Variants in PTPRG observed in about 807,000 individuals in gnomAD.
PTPRG encodes the protein receptor-type tyrosine-protein phosphatase gamma.
In PTPRG, 102 loss-of-function variants were observed where a neutral mutation model predicts 165.3. The ratio of observed to expected loss-of-function variants is 0.62; its 90% CI spans 0.53 to 0.73. PTPRG has a LOEUF of 0.73. PTPRG is among the 30% of genes least tolerant of loss of function. The pLI, the probability that PTPRG is intolerant of heterozygous loss-of-function variation, is 0.00. For synonymous variants in PTPRG, 675 were observed against 669.5 expected (o/e 1.01, Z -0.13); for missense variants, 1,866 against 1,861.4 (o/e 1.00, Z -0.05).
At chr3:61,836,127 C>G (rs2036454460) in intron 2 of PTPRG, among the ~76,000 whole-genome samples, 1 of 140,402 alleles carries the variant, frequency 7.1e-6, no homozygotes, top group African/African-American at 2.7e-5. Context: ...ATTAATGGCT[C>G]TTTGGATATT....
intron 4 of PTPRG, among the ~76,000 whole-genome samples, chr3:62,044,887 A>G (rs964095052): frequency 3.9e-5 from 6 of 152,104 alleles, no homozygotes; most frequent in South Asian, 2.1e-4. Flanking sequence ...TTTATTATGT[A>G]TGTCCTGGAA....
At chr3:62,099,133 A>G (rs963714162) in intron 5 of PTPRG, among the ~76,000 whole-genome samples, 2 of 152,188 alleles carry the variant, frequency 1.3e-5, no homozygotes, top group African/African-American at 4.8e-5. Flanking sequence ...TGGCACTAAA[A>G]GTGGGGCTCT....
chr3:61,964,458 G>A (rs1474818220), intron 2 of PTPRG, among the ~76,000 whole-genome samples: 1 of 152,044 alleles, frequency 6.6e-6, no homozygotes. Context: ...TTTATTATGG[G>A]GTTATGAGTT....
At chr3:62,135,060 C>G (rs1703656316) in intron 6 of PTPRG, among the ~76,000 whole-genome samples, 1 of 151,864 alleles carries the variant, frequency 6.6e-6, no homozygotes, top group Non-Finnish European at 1.5e-5. Flanking sequence ...ATCACTTGAG[C>G]CCAGGAGTTT....
chr3:61,824,804 A>T, intron 2 of PTPRG, among the ~76,000 whole-genome samples: 1 of 152,228 alleles, frequency 6.6e-6, no homozygotes, highest in East Asian at 1.9e-4. Context: ...ACAAACTGTG[A>T]TTTCTCCACA....
intron 2 of PTPRG, chr3:61,770,168 G>A (rs560183855): frequency 6.6e-6 from 1 of 152,292 alleles, no homozygotes; most frequent in South Asian, 2.1e-4. Context: ...GAAAGCCTGG[G>A]TGGTGTTGAT....
intron 2 of PTPRG, among the ~76,000 whole-genome samples, chr3:61,757,712 T>A (rs2033677477): frequency 6.6e-6 from 1 of 152,250 alleles, no homozygotes; most frequent in Non-Finnish European, 1.5e-5. Flanking sequence ...ATAAATTTAT[T>A]GTGTCAACAC....
chr3:61,829,442 A>G (rs894566763), intron 2 of PTPRG, among the ~76,000 whole-genome samples: 1 of 152,220 alleles, frequency 6.6e-6, no homozygotes, highest in Non-Finnish European at 1.5e-5. Context: ...GCCATTTATC[A>G]TGCCTCACTT....
chr3:61,648,095 C>G (rs1475203080), intron 1 of PTPRG, among the ~76,000 whole-genome samples: 3 of 152,158 alleles, frequency 2.0e-5, no homozygotes, highest in Non-Finnish European at 4.4e-5. Context: ...TTTGATTAAA[C>G]CAGTCCTATG....
At position 62,011,979 on chromosome 3, in the gene PTPRG, G is replaced by C. The variant is rs554664951; in HGVS notation, c.519+8482G>C. On this transcript the variant is annotated intron_variant, in intron 4 of 29. Transcript: ENST00000474889. ...GAAAAGAAAACCTGGTTAAGTTGGA[G>C]ATACTCTCAGTGTAGAAACTTGGTG... 6.6e-5 allele frequency among the ~76,000 whole-genome samples: 10 copies of C among 152,332 alleles called. No homozygotes were observed. In the East Asian group the frequency reaches 1.9e-3, roughly 29 times the overall value.
chr3:62,033,177 C>A (rs1699824953), intron 4 of PTPRG, among the ~76,000 whole-genome samples: 1 of 152,036 alleles, frequency 6.6e-6, no homozygotes, highest in East Asian at 1.9e-4. Flanking sequence ...TTTAAAAGGC[C>A]TTGCCTCTTC....
chr3:62,271,692 G>C lies in PTPRG; in HGVS notation c.3182+137G>C, dbSNP rs1702072681. 2.8e-6 allele frequency: 2 copies of C among 704,032 alleles called. No individual in the cohort carries two copies. The highest frequency in any genetic ancestry group is 4.4e-6 in the Non-Finnish European group (2 of 452,982). The allele number at this position is 704,032 out of a possible 1,614,324, so 43.6% of individuals were successfully genotyped here. On this transcript the variant is annotated intron_variant, in intron 21 of 29. Coordinates refer to ENST00000474889, the MANE Select transcript of PTPRG (RefSeq NM_002841.4). The surrounding 1 kb of genome is among the most constrained non-coding windows in gnomAD (Gnocchi z 4.1). ...GGAAACTGGGATGGATAAGACCTAT[G>C]ATAGTCTTAAAGAGGCTCTATTCCT...
intron 8 of PTPRG, among the ~76,000 whole-genome samples, chr3:62,188,420 C>T (rs1307123230): frequency 6.6e-6 from 1 of 152,108 alleles, no homozygotes; most frequent in Admixed American, 6.5e-5. Flanking sequence ...ACATCCTATT[C>T]TATTTCTATC....
chr3:61,932,076 ATC>A (rs1255721824), intron 2 of PTPRG, among the ~76,000 whole-genome samples: 1 of 152,130 alleles, frequency 6.6e-6, no homozygotes, highest in African/African-American at 2.4e-5. Context: ...CCCTGCCAAA[ATC>A]TGTTTGCTTT....
At chr3:61,595,695 A>C (rs535459675) in intron 1 of PTPRG, among the ~76,000 whole-genome samples, 13 of 152,370 alleles carry the variant, frequency 8.5e-5, no homozygotes, top group African/African-American at 3.1e-4. Context: ...TAATATTCAC[A>C]TGTAAAACTG....
intron 2 of PTPRG, among the ~76,000 whole-genome samples, chr3:61,788,096 G>A (rs1575663889): frequency 6.6e-6 from 1 of 152,032 alleles, no homozygotes; most frequent in Non-Finnish European, 1.5e-5. Flanking sequence ...AAGGACACAC[G>A]GCCAACTTCT....
At position 62,235,257 on chromosome 3, in the gene PTPRG, G is replaced by A. The variant is rs948077223; in HGVS notation, c.2375+3946G>A. 2.6e-5 allele frequency among the ~76,000 whole-genome samples: 4 copies of A among 152,136 alleles called. No individual in the cohort carries two copies. The South Asian group carries it at 6.2e-4, about 24-fold the overall frequency. Reference sequence around the variant, plus strand: ...TCAGTGCCTTAAAACTGTGGCAAATGAGGTGGAGAGCCCCTCAAGCCTCAG... The same window carrying A: ...TCAGTGCCTTAAAACTGTGGCAAATAAGGTGGAGAGCCCCTCAAGCCTCAG... On this transcript the variant is annotated intron_variant, in intron 14 of 29. Transcript: ENST00000474889.
intron 2 of PTPRG, among the ~76,000 whole-genome samples, chr3:61,823,293 G>A (rs1575694088): frequency 6.6e-6 from 1 of 151,980 alleles, no homozygotes; most frequent in Non-Finnish European, 1.5e-5. Context: ...CGGGTTCAAG[G>A]GATTCTCCTG....
chr3:62,035,203 A>C (rs781377077), intron 4 of PTPRG, among the ~76,000 whole-genome samples: 19 of 152,238 alleles, frequency 1.2e-4, no homozygotes, highest in Non-Finnish European at 2.2e-4. Flanking sequence ...TCTCTTCCCC[A>C]AGTAAAAGCC....
Sources: allele counts gnomAD v4.1 joint callset (sites outside exome capture counted in the v4.1 genomes callset), GRCh38; gene constraint gnomAD v4.1.1; non-coding constraint Gnocchi (gnomAD v3.1); transcripts MANE v1.5; gene names NCBI Gene and HGNC (gene_info 2026-07-23, HGNC 2026-07-21).